Variants in MAP4K3 observed in about 807,000 individuals in gnomAD.
The protein encoded by MAP4K3 is MAPK/ERK kinase kinase kinase 3.
MAP4K3 carries 94 observed loss-of-function variants against 143.5 expected under a neutral mutation model. The ratio of observed to expected loss-of-function variants is 0.65; its 90% CI spans 0.55 to 0.78. The LOEUF is 0.78. MAP4K3 is among the 30% of genes least tolerant of loss of function. MAP4K3 has a pLI of 0.00. For synonymous variants in MAP4K3, 416 were observed against 347.2 expected, an observed-to-expected ratio of 1.20 and a Z score of -2.20; for missense variants, 1,077 against 1,068.1, an observed-to-expected ratio of 1.01 and a Z score of -0.12.
chr2:39,432,580 G>A (rs1442981691), intron 1 of MAP4K3, among the ~76,000 whole-genome samples: 1 of 152,124 alleles, frequency 6.6e-6, no homozygotes, highest in Non-Finnish European at 1.5e-5. Flanking sequence ...TTTTCTAAAT[G>A]CTTAAGGTCT....
intron 2 of MAP4K3, among the ~76,000 whole-genome samples, chr2:39,366,950 C>T (rs1665940211): frequency 6.6e-6 from 1 of 152,094 alleles, no homozygotes; most frequent in Admixed American, 6.5e-5. Context: ...CACAGAAATA[C>T]AAAGGAAGTA....
chr2:39,250,422 C>A lies in MAP4K3; in HGVS notation c.*196G>T. The A allele has an allele frequency of 2.0e-6, 1 of 511,006 alleles. No individual in the cohort carries two copies. The highest frequency in any genetic ancestry group is 3.3e-5 in the South Asian group (1 of 30,582). The allele number at this position is 511,006 out of a possible 1,614,324, so 31.7% of individuals were successfully genotyped here. On this transcript the variant is annotated 3_prime_UTR_variant, in exon 34 of 34. Coordinates refer to ENST00000263881, the MANE Select transcript of MAP4K3 (RefSeq NM_003618.4). ...AAAGATTACATAACAATGAATTAAGCACTTGTGTGGTTCAATATGCTAAAT... is the reference window on the plus strand; with the variant it reads ...AAAGATTACATAACAATGAATTAAGAACTTGTGTGGTTCAATATGCTAAAT...
intron 13 of MAP4K3, among the ~76,000 whole-genome samples, chr2:39,312,908 A>G (rs1161745927): frequency 1.3e-5 from 2 of 152,210 alleles, no homozygotes; most frequent in East Asian, 3.8e-4. Context: ...CCACCTGTGA[A>G]CATGCCCATT....
At chr2:39,284,758 C>T (rs978337478) in intron 21 of MAP4K3, among the ~76,000 whole-genome samples, 2 of 151,674 alleles carry the variant, frequency 1.3e-5, no homozygotes, top group African/African-American at 4.8e-5. Context: ...GCAGGAGAAT[C>T]ACTTGAACCC....
At chr2:39,353,724 A>T (rs555350038) in intron 3 of MAP4K3, among the ~76,000 whole-genome samples, 4 of 151,912 alleles carry the variant, frequency 2.6e-5, no homozygotes, top group East Asian at 3.9e-4. Flanking sequence ...AAAAGTTAAG[A>T]AGTAGTAGTA....
chr2:39,276,060 ACGGGGTTTCACCTTATTTGTTAG>A (rs1341971396), intron 24 of MAP4K3, among the ~76,000 whole-genome samples: 1 of 151,916 alleles, frequency 6.6e-6, no homozygotes, highest in African/African-American at 2.4e-5. Flanking sequence ...TTTAATAGGG[ACGGGGTTTCACCTTATTTGTTAG>A]GCTGGTGTCG....
intron 1 of MAP4K3, among the ~76,000 whole-genome samples, chr2:39,421,966 A>T (rs1667560401): frequency 6.6e-6 from 1 of 151,756 alleles, no homozygotes; most frequent in African/African-American, 2.4e-5. Context: ...ATTGGGAATT[A>T]CATAATACTT....
chr2:39,414,071 C>T (rs1667302998), intron 1 of MAP4K3, among the ~76,000 whole-genome samples: 1 of 152,158 alleles, frequency 6.6e-6, no homozygotes, highest in African/African-American at 2.4e-5. Context: ...TTAAAGCACT[C>T]TCATAGTTAA....
intron 13 of MAP4K3, among the ~76,000 whole-genome samples, chr2:39,312,370 C>T (rs1682970465): frequency 6.6e-6 from 1 of 152,044 alleles, no homozygotes; most frequent in Non-Finnish European, 1.5e-5. Flanking sequence ...AAAACAGCCA[C>T]AATATATTAC....
intron 6 of MAP4K3, among the ~76,000 whole-genome samples, chr2:39,336,292 A>G (rs7599489): frequency 0.13 from 20,429 of 151,676 alleles, 1,804 homozygotes; most frequent in African/African-American, 0.25. Flanking sequence ...GGCCAACATG[A>G]TGAAATCCTG....
chr2:39,272,651 G>GT, intron 24 of MAP4K3, 109 bp from the exon 25 acceptor site: 1 of 772,044 alleles, frequency 1.3e-6, no homozygotes, highest in Non-Finnish European at 2.2e-6. Context: ...TTCTTTAAAA[G>GT]TAAATTATTT....
intron 27 of MAP4K3, 74 bp downstream of exon 27, chr2:39,267,115 T>C (rs566719644): frequency 8.7e-6 from 12 of 1,374,816 alleles, no homozygotes; most frequent in Non-Finnish European, 1.2e-5. Flanking sequence ...CAGAATGCCC[T>C]GGGGTAGTAC....
intron 27 of MAP4K3, among the ~76,000 whole-genome samples, chr2:39,265,996 T>A (rs1680747306): frequency 6.6e-6 from 1 of 152,176 alleles, no homozygotes; most frequent in East Asian, 1.9e-4. Context: ...TTCACACACT[T>A]CAAATAGATT....
chr2:39,333,506 A>C lies in MAP4K3; in HGVS notation c.457+26T>G, dbSNP rs529377315. On this transcript the variant is annotated intron_variant, in intron 7 of 33. Transcript: ENST00000263881. ...ACTATATCTTAGAATAGATTTGTGCACGTGACAAAATTCCAATTTACTTAC... is the reference window on the plus strand; with the variant it reads ...ACTATATCTTAGAATAGATTTGTGCCCGTGACAAAATTCCAATTTACTTAC... 16 of 1,568,358 alleles carry C rather than the reference A, an allele frequency of 1.0e-5. No individual in the cohort carries two copies. In the South Asian group the frequency reaches 1.8e-4, roughly 18 times the overall value.
At chr2:39,414,601 T>C (rs1667319406) in intron 1 of MAP4K3, among the ~76,000 whole-genome samples, 1 of 152,054 alleles carries the variant, frequency 6.6e-6, no homozygotes, top group Admixed American at 6.6e-5. Flanking sequence ...CTAGGCCGGG[T>C]GCGGTGGCTC....
intron 4 of MAP4K3, 136 bp downstream of exon 4, chr2:39,343,252 C>T: frequency 3.8e-6 from 2 of 529,728 alleles, no homozygotes; most frequent in Non-Finnish European, 6.5e-6. Context: ...ATCTAAAATA[C>T]CTTTATATAG....
At chr2:39,389,843 A>G (rs1666604424) in intron 1 of MAP4K3, among the ~76,000 whole-genome samples, 1 of 152,230 alleles carries the variant, frequency 6.6e-6, no homozygotes, top group African/African-American at 2.4e-5. Context: ...TAAACTACCA[A>G]TCTTGGGTAG....
chr2:39,409,913 A>C (rs1667191436), intron 1 of MAP4K3, among the ~76,000 whole-genome samples: 1 of 152,244 alleles, frequency 6.6e-6, no homozygotes, highest in Non-Finnish European at 1.5e-5. Flanking sequence ...AATAGCACTT[A>C]AAGGGATAGT....
At chr2:39,254,344 A>T (rs986928439) in intron 32 of MAP4K3, 106 bp downstream of exon 32, 10 of 854,438 alleles carry the variant, frequency 1.2e-5, no homozygotes, top group Middle Eastern at 2.3e-4. Flanking sequence ...AGTAAGTATT[A>T]ATAAAGTTAG....
Sources: allele counts gnomAD v4.1 joint callset (sites outside exome capture counted in the v4.1 genomes callset), GRCh38; gene constraint gnomAD v4.1.1; transcripts MANE v1.5; gene names NCBI Gene and HGNC (gene_info 2026-07-23, HGNC 2026-07-21).